The following BACE2 variants were observed in gnomAD, a reference collection of about 807,000 sequenced individuals.
BACE2 encodes 56 kDa aspartic-like protease.
BACE2 carries 17 observed loss-of-function variants against 46.2 expected under a neutral mutation model. The observed-to-expected ratio is 0.37, with a 90% CI of 0.25 to 0.55. The LOEUF (loss-of-function observed/expected upper bound fraction) is 0.55, where lower values mean the gene tolerates loss of function less well. Ranked by LOEUF, BACE2 falls within the 20% of genes least tolerant of loss-of-function variation. The pLI, the probability that BACE2 is intolerant of heterozygous loss-of-function variation, is 0.82. For missense variants in BACE2, 595 were observed against 698.1 expected (o/e 0.85, Z 1.66); for synonymous variants, 277 against 295.9 (o/e 0.94, Z 0.66).
chr21:41,231,099 G>C (rs973900505), intron 2 of BACE2, among the ~76,000 whole-genome samples: 2 of 152,178 alleles, frequency 1.3e-5, no homozygotes, highest in African/African-American at 4.8e-5. Flanking sequence ...GGCTAAACTG[G>C]ATACAGATCA....
In BACE2 at chr21:41,180,994, T is replaced by C. The variant is rs1985101464; in HGVS notation, c.312+12419T>C. 3 of 167,134 alleles carry C rather than the reference T, an allele frequency of 1.8e-5. No homozygotes were observed. The Admixed American group carries it at 2.0e-4, about 11-fold the overall frequency. 10.4% of individuals were successfully genotyped at this position (167,134 alleles called of 1,614,324 possible). On this transcript the variant is annotated intron_variant, in intron 1 of 8. Coordinates refer to ENST00000330333, the MANE Select transcript of BACE2 (RefSeq NM_012105.5). ...AGCCAAGTTCTTTAGCGTTAACTCA[T>C]GGTAGGCAAAGCCACCCCAGGGTGC...
intron 1 of BACE2, among the ~76,000 whole-genome samples, chr21:41,187,513 T>C (rs886100922): frequency 2.0e-5 from 3 of 152,202 alleles, no homozygotes; most frequent in African/African-American, 7.2e-5. Flanking sequence ...TTTGAGAGCA[T>C]TATTTTGGCC....
chr21:41,253,685 C>T (rs751008917), intron 7 of BACE2, among the ~76,000 whole-genome samples: 15 of 152,084 alleles, frequency 9.9e-5, no homozygotes, highest in Non-Finnish European at 1.6e-4. Flanking sequence ...TGCTTGGCTT[C>T]CTCAATAGCT....
At chr21:41,221,827 C>CAAAAA (rs58502168) in intron 1 of BACE2, among the ~76,000 whole-genome samples, 163 of 98,698 alleles carry the variant, frequency 1.7e-3, no homozygotes, top group Non-Finnish European at 2.2e-3. Context: ...GACTCTGTCT[C>CAAAAA]AAAAAAAAAA....
chr21:41,194,358 G>A (rs962278001), intron 1 of BACE2, among the ~76,000 whole-genome samples: 2 of 152,006 alleles, frequency 1.3e-5, no homozygotes, highest in African/African-American at 4.8e-5. Flanking sequence ...ATGATTCCAC[G>A]TAACCTGACC....
rs1010176381 is a variant in BACE2, at chr21:41,246,122, G to A, written c.984+59G>A. ...TGCTGAGTTACAGTCACCTGCTGAGGAGCAGCACTGCGTGTTCTGAGCATC... is the reference window on the plus strand; with the variant it reads ...TGCTGAGTTACAGTCACCTGCTGAGAAGCAGCACTGCGTGTTCTGAGCATC... On this transcript the variant is annotated intron_variant, in intron 6 of 8. Transcript: ENST00000330333. The A allele has an allele frequency of 1.8e-5, 24 of 1,330,454 alleles. No individual in the cohort carries two copies. In the African/African-American group the frequency reaches 3.0e-4, roughly 17 times the overall value. 82.4% of individuals were successfully genotyped at this position (1,330,454 alleles called of 1,614,324 possible).
intron 2 of BACE2, among the ~76,000 whole-genome samples, chr21:41,227,100 G>A (rs920890761): frequency 1.2e-4 from 19 of 152,214 alleles, no homozygotes; most frequent in Admixed American, 3.3e-4. Context: ...TAGAGTCACC[G>A]CCCTCTGTGA....
intron 2 of BACE2, among the ~76,000 whole-genome samples, chr21:41,226,609 A>G (rs1186333093): frequency 6.6e-6 from 1 of 152,212 alleles, no homozygotes; most frequent in Non-Finnish European, 1.5e-5. Context: ...ATCCAAGTCA[A>G]ACACAACTCC....
intron 1 of BACE2, among the ~76,000 whole-genome samples, chr21:41,190,272 T>G (rs1985520899): frequency 6.6e-6 from 1 of 152,130 alleles, no homozygotes. Flanking sequence ...AATAATAAGG[T>G]CATAATTATG....
intron 8 of BACE2, among the ~76,000 whole-genome samples, chr21:41,259,821 CT>C (rs1987886287): frequency 6.6e-6 from 1 of 151,212 alleles, no homozygotes; most frequent in Non-Finnish European, 1.5e-5. Flanking sequence ...TCTTTTTTTT[CT>C]TTTTTTATTT....
At chr21:41,236,232 G>T (rs977415883) in intron 2 of BACE2, among the ~76,000 whole-genome samples, 8 of 152,162 alleles carry the variant, frequency 5.3e-5, no homozygotes, top group Non-Finnish European at 1.0e-4. Flanking sequence ...CATGACACCT[G>T]CTGTCCTCTC....
intron 1 of BACE2, among the ~76,000 whole-genome samples, chr21:41,220,307 A>T (rs1335446350): frequency 2.0e-5 from 3 of 152,148 alleles, no homozygotes; most frequent in South Asian, 2.1e-4. Context: ...CGTTATGTAG[A>T]CATGATTGAT....
At position 41,254,879 on chromosome 21, in the gene BACE2, C is replaced by A. The variant is rs917774899; in HGVS notation, c.1135-2279C>A. 2.6e-5 allele frequency among the ~76,000 whole-genome samples: 4 copies of A among 152,228 alleles called. No individual in the cohort carries two copies. The South Asian group carries it at 6.2e-4, about 24-fold the overall frequency. On this transcript the variant is annotated intron_variant, in intron 7 of 8. Transcript: ENST00000330333. ...TGTCCTGCCTCCGTCAGGCTGCCTA[C>A]TTTTAAAACTCTGTCTGCCCGAGGG...
rs1174779996 is a variant in BACE2 at position 41,233,933 on chromosome 21, C to T, written c.402-3580C>T. 2.0e-5 allele frequency among the ~76,000 whole-genome samples: 3 copies of T among 152,184 alleles called. No individual in the cohort carries two copies. In the East Asian group the frequency reaches 5.8e-4, roughly 29 times the overall value. On this transcript the variant is annotated intron_variant, in intron 2 of 8. Coordinates refer to ENST00000330333, the MANE Select transcript of BACE2 (RefSeq NM_012105.5). Reference sequence around the variant, plus strand: ...CTGAGATGGCAGCATTGCACTCCAGCCTTGGTGACATAGCGAGACTCCATC... The same window carrying T: ...CTGAGATGGCAGCATTGCACTCCAGTCTTGGTGACATAGCGAGACTCCATC...
intron 1 of BACE2, chr21:41,182,025 C>T (rs1985146468): frequency 6.0e-6 from 1 of 167,004 alleles, no homozygotes; most frequent in Admixed American, 6.5e-5. Context: ...GCTTCTATAC[C>T]CAACAAGCCC....
chr21:41,269,383 T>G (rs984824003), intron 8 of BACE2, among the ~76,000 whole-genome samples: 2 of 152,200 alleles, frequency 1.3e-5, no homozygotes, highest in African/African-American at 4.8e-5. Flanking sequence ...AATAAACAGT[T>G]CATGTTGAAA....
chr21:41,226,179 T>G lies in BACE2; in HGVS notation c.313-87T>G, dbSNP rs17000685. 3.6e-3 allele frequency: 3,516 copies of G among 988,450 alleles called. 73 individuals carry two copies. The African/African-American group carries it at 0.046, about 13-fold the overall frequency. 61.2% of individuals were successfully genotyped at this position (988,450 alleles called of 1,614,324 possible). ...CCAACTGATAAATTATTCTTGCTAC[T>G]TAGTTTTAAAAACATTATTCAAGAG... On this transcript the variant is annotated intron_variant, in intron 1 of 8. Transcript: ENST00000330333.
intron 2 of BACE2, 60 bp from the exon 3 acceptor site, chr21:41,237,453 A>G: frequency 1.6e-6 from 2 of 1,249,738 alleles, no homozygotes; most frequent in Non-Finnish European, 2.1e-6. Context: ...CTCAAAAATA[A>G]ATAAATAAAA....
In BACE2 at chr21:41,168,324, G is replaced by A; in HGVS notation, c.61G>A (p.Ala21Thr). ...GCTGGCCCAGTGGCTCCTGCGCGCCGCCCCGGAGCTGGCCCCCGCGCCCTT... is the reference window on the plus strand; with the variant it reads ...GCTGGCCCAGTGGCTCCTGCGCGCCACCCCGGAGCTGGCCCCCGCGCCCTT... ...PLLAQWLLRA[A>T]PELAPAPFTL... The change falls in exon 1 of 9, where the codon GCC (alanine) becomes ACC (threonine). Residue 21 changes from alanine (A) to threonine (T), a missense_variant. Coordinates refer to ENST00000330333, the MANE Select transcript of BACE2 (RefSeq NM_012105.5). 7.5e-7 allele frequency: 1 copy of A among 1,340,754 alleles called. No homozygotes were observed. Among genetic ancestry groups the A allele is most frequent in the Non-Finnish European group, 9.6e-7 (1 of 1,045,170 alleles). 83.1% of individuals were successfully genotyped at this position (1,340,754 alleles called of 1,614,324 possible). A position where few individuals can be genotyped will look rare whatever the true frequency, so the allele number is the denominator to read the frequency against.
Sources: allele counts gnomAD v4.1 joint callset (sites outside exome capture counted in the v4.1 genomes callset), GRCh38; gene constraint gnomAD v4.1.1; transcripts MANE v1.5; gene names NCBI Gene and HGNC (gene_info 2026-07-23, HGNC 2026-07-21).